The following ZBTB7C variants were observed in gnomAD, a reference collection of about 807,000 sequenced individuals.
ZBTB7C encodes zinc finger and BTB domain-containing protein 7C.
In ZBTB7C, 8 loss-of-function variants were observed where a neutral mutation model predicts 25.7. That is an observed-to-expected ratio of 0.31 (90% CI 0.18 to 0.56). The LOEUF (loss-of-function observed/expected upper bound fraction) is 0.56. Among genes scored for constraint, ZBTB7C ranks in the 20% least tolerant of loss-of-function variants. ZBTB7C has a pLI of 0.91. For synonymous variants in ZBTB7C, 394 were observed against 369.0 expected (o/e 1.07, Z -0.78); for missense variants, 824 against 855.2 (o/e 0.96, Z 0.46).
At chr18:48,360,594 G>A (rs765788318) in intron 1 of ZBTB7C, among the ~76,000 whole-genome samples, 1 of 152,154 alleles carries the variant, frequency 6.6e-6, no homozygotes, top group African/African-American at 2.4e-5. Context: ...GAGAGAACAC[G>A]GTAAGGGGCT....
chr18:48,290,498 C>T (rs1024491509), intron 2 of ZBTB7C, among the ~76,000 whole-genome samples: 9 of 152,228 alleles, frequency 5.9e-5, no homozygotes, highest in African/African-American at 1.4e-4. Context: ...CTCTTTGATT[C>T]GCTTGCTGCA....
chr18:48,232,322 A>G (rs1031391222), intron 2 of ZBTB7C, among the ~76,000 whole-genome samples: 2 of 152,214 alleles, frequency 1.3e-5, no homozygotes, highest in East Asian at 3.8e-4. Context: ...TATAACCTTA[A>G]GAGAGAGCCC....
At chr18:48,173,272 AAC>A in intron 3 of ZBTB7C, among the ~76,000 whole-genome samples, 1 of 152,224 alleles carries the variant, frequency 6.6e-6, no homozygotes, top group Non-Finnish European at 1.5e-5. Context: ...GCCCCACGCC[AAC>A]TGAAAAGGTT....
intron 2 of ZBTB7C, among the ~76,000 whole-genome samples, chr18:48,231,145 C>T (rs1402847954): frequency 6.6e-6 from 1 of 152,124 alleles, no homozygotes; most frequent in Non-Finnish European, 1.5e-5. Context: ...TAGCAGGAGG[C>T]AGACAGGCTC....
At chr18:48,118,378 T>C (rs1167297072) in intron 3 of ZBTB7C, among the ~76,000 whole-genome samples, 1 of 152,232 alleles carries the variant, frequency 6.6e-6, no homozygotes, top group Admixed American at 6.5e-5. Flanking sequence ...TGTCATTTCC[T>C]TTTCCCCTTT....
intron 1 of ZBTB7C, among the ~76,000 whole-genome samples, chr18:48,362,026 C>T (rs111897683): frequency 1.8e-4 from 27 of 152,294 alleles, no homozygotes; most frequent in African/African-American, 6.5e-4. Context: ...CCAACAGCTC[C>T]ATCACAGGGA....
chr18:48,152,018 A>G (rs145015817), intron 3 of ZBTB7C, among the ~76,000 whole-genome samples: 21 of 152,258 alleles, frequency 1.4e-4, no homozygotes, highest in African/African-American at 4.3e-4. Context: ...GATGGGTGGG[A>G]CCAGTTGACA....
intron 2 of ZBTB7C, among the ~76,000 whole-genome samples, chr18:48,335,324 T>C (rs921405051): frequency 3.9e-5 from 6 of 152,228 alleles, no homozygotes; most frequent in Non-Finnish European, 7.3e-5. Context: ...CAATTATTCA[T>C]TATTTTATTT....
intron 1 of ZBTB7C, among the ~76,000 whole-genome samples, chr18:48,346,323 T>G (rs1423093455): frequency 6.6e-6 from 1 of 152,260 alleles, no homozygotes; most frequent in Non-Finnish European, 1.5e-5. Context: ...CATTTGTCTC[T>G]GTCTCTCTGC....
At chr18:48,284,302 G>A (rs376034116) in intron 2 of ZBTB7C, among the ~76,000 whole-genome samples, 60 of 152,174 alleles carry the variant, frequency 3.9e-4, no homozygotes, top group African/African-American at 1.4e-3. Flanking sequence ...AGCCTGGCAC[G>A]GTAGGGCATG....
chr18:48,327,061 C>A (rs2144886554), intron 2 of ZBTB7C, among the ~76,000 whole-genome samples: 1 of 152,274 alleles, frequency 6.6e-6, no homozygotes, highest in Admixed American at 6.5e-5. Flanking sequence ...GGTGAGTCAC[C>A]AGCCTCTGGC....
intron 2 of ZBTB7C, among the ~76,000 whole-genome samples, chr18:48,193,000 G>A (rs955274068): frequency 1.3e-5 from 2 of 152,114 alleles, no homozygotes; most frequent in Non-Finnish European, 2.9e-5. Context: ...CACAACGCTC[G>A]GTGCCAATAA....
intron 3 of ZBTB7C, among the ~76,000 whole-genome samples, chr18:48,059,129 A>G (rs2037030818): frequency 6.6e-6 from 1 of 152,148 alleles, no homozygotes; most frequent in African/African-American, 2.4e-5. Flanking sequence ...CAGCTAACTA[A>G]TGTACATTAA....
At chr18:48,192,090 A>G (rs2042211453) in intron 2 of ZBTB7C, among the ~76,000 whole-genome samples, 1 of 152,244 alleles carries the variant, frequency 6.6e-6, no homozygotes, top group Non-Finnish European at 1.5e-5. Flanking sequence ...TGGAACATCC[A>G]GACAAAAGAA....
In ZBTB7C at chr18:48,184,597, G is replaced by C. The variant is rs1390038336; in HGVS notation, c.-17+1337C>G. Among the ~76,000 whole-genome samples the C allele has an allele frequency of 3.3e-5, 5 of 151,914 alleles. No homozygotes were observed. In the East Asian group the frequency reaches 9.7e-4, roughly 29 times the overall value. The stretch of plus-strand genomic sequence containing the variant: ...CTAGCTACCTTCTCCTGCTTGCTTG[G>C]GACAAATATTAATTAATCATCATTA... On this transcript the variant is annotated intron_variant, in intron 3 of 4. Transcript: ENST00000590800.
chr18:48,053,776 G>A (rs552557281), intron 3 of ZBTB7C, among the ~76,000 whole-genome samples: 5 of 152,172 alleles, frequency 3.3e-5, no homozygotes, highest in African/African-American at 1.2e-4. Context: ...AGAAGAGTGG[G>A]AGAGACAGTA....
intron 2 of ZBTB7C, among the ~76,000 whole-genome samples, chr18:48,258,037 GA>G (rs959326065): frequency 6.6e-6 from 1 of 151,848 alleles, no homozygotes; most frequent in Non-Finnish European, 1.5e-5. Context: ...CCATCTCTAG[GA>G]AAAAAACAGA....
At chr18:48,249,773 C>T (rs2043795976) in intron 2 of ZBTB7C, among the ~76,000 whole-genome samples, 1 of 152,130 alleles carries the variant, frequency 6.6e-6, no homozygotes, top group Admixed American at 6.5e-5. Context: ...ATCATCTTTA[C>T]TTTATTTACA....
chr18:48,372,066 T>C (rs2047401631), intron 1 of ZBTB7C, among the ~76,000 whole-genome samples: 1 of 152,164 alleles, frequency 6.6e-6, no homozygotes, highest in Non-Finnish European at 1.5e-5. Context: ...GGCCCTTCAC[T>C]GACCTCCCCT....
Sources: gnomAD v4.1 joint callset for allele counts (sites outside exome capture counted in the v4.1 genomes callset) on GRCh38, gnomAD v4.1.1 for gene constraint, MANE v1.5 for transcripts, NCBI Gene and HGNC (gene_info 2026-07-23, HGNC 2026-07-21) for gene names.